ATF3: variants seen among roughly 807,000 people sequenced by gnomAD.
ATF3 encodes the protein cyclic AMP-dependent transcription factor ATF-3.
A neutral mutation model predicts 18.4 loss-of-function variants in ATF3; 10 were observed. That is an observed-to-expected ratio of 0.54 (90% CI 0.34 to 0.92). The LOEUF (loss-of-function observed/expected upper bound fraction) is 0.92, where lower values mean the gene tolerates loss of function less well. Ranked by LOEUF, ATF3 falls within the 40% of genes least tolerant of loss-of-function variation. The pLI, the probability that ATF3 is intolerant of heterozygous loss-of-function variation, is 0.02. For missense variants in ATF3, 183 were observed against 222.3 expected (o/e 0.82, Z 1.12); for synonymous variants, 78 against 87.9 (o/e 0.89, Z 0.63).
At chr1:212,587,785 G>T (rs1664806973) in intron 1 of ATF3, among the ~76,000 whole-genome samples, 3 of 152,146 alleles carry the variant, frequency 2.0e-5, no homozygotes, top group African/African-American at 7.2e-5. Flanking sequence ...AAATAACTCT[G>T]CAGGGATTTA....
chr1:212,592,519 A>G (rs1664907871), intron 1 of ATF3, among the ~76,000 whole-genome samples: 1 of 115,668 alleles, frequency 8.6e-6, no homozygotes, highest in Non-Finnish European at 1.9e-5. Context: ...GTCTATTTTA[A>G]CCTACCATAT....
intron 1 of ATF3, among the ~76,000 whole-genome samples, chr1:212,585,536 G>A (rs542264124): frequency 1.4e-4 from 22 of 152,292 alleles, no homozygotes; most frequent in East Asian, 1.2e-3. Flanking sequence ...CTGTTTTCCC[G>A]GAGAATTTAT....
chr1:212,616,630 G>A (rs1260441952), intron 2 of ATF3, among the ~76,000 whole-genome samples: 1 of 152,150 alleles, frequency 6.6e-6, no homozygotes, highest in Non-Finnish European at 1.5e-5. Flanking sequence ...CACCCTGGCT[G>A]TCATGTTGAG....
chr1:212,572,222 A>G (rs1664497359), intron 1 of ATF3, among the ~76,000 whole-genome samples: 1 of 152,046 alleles, frequency 6.6e-6, no homozygotes. Flanking sequence ...TTCATGTTCA[A>G]CATTTTCTTT....
In ATF3 at chr1:212,578,023, T is replaced by G. The variant is rs567103603; in HGVS notation, c.-5+12540T>G. Reference sequence around the variant, plus strand: ...TCCATACTGTTTTTCATAATGGCTGTTCCAATTTATATTCACACCAACAGT... The same window carrying G: ...TCCATACTGTTTTTCATAATGGCTGGTCCAATTTATATTCACACCAACAGT... On this transcript the variant is annotated intron_variant, in intron 1 of 3. Transcript: ENST00000366981. Among the ~76,000 whole-genome samples, 5 of 152,240 alleles carry G rather than the reference T, an allele frequency of 3.3e-5. No homozygotes were observed. The East Asian group carries it at 9.6e-4, about 29-fold the overall frequency.
intron 1 of ATF3, among the ~76,000 whole-genome samples, chr1:212,596,674 C>G (rs181911620): frequency 6.6e-6 from 1 of 152,370 alleles, no homozygotes; most frequent in Non-Finnish European, 1.5e-5. Context: ...CCCTCTCACC[C>G]ACTGGCTCCC....
At chr1:212,568,793 TC>T (rs1443237478) in intron 1 of ATF3, among the ~76,000 whole-genome samples, 1 of 152,158 alleles carries the variant, frequency 6.6e-6, no homozygotes, top group Non-Finnish European at 1.5e-5. Flanking sequence ...TCTCTTTCTC[TC>T]AAAATTGCCT....
At chr1:212,588,743 T>C (rs892903004) in intron 1 of ATF3, among the ~76,000 whole-genome samples, 3 of 152,218 alleles carry the variant, frequency 2.0e-5, no homozygotes, top group Non-Finnish European at 4.4e-5. Flanking sequence ...TCCATATTTA[T>C]AAATCATGTG....
upstream of ATF3, chr1:212,608,534 G>C (rs552179921): frequency 1.3e-5 from 2 of 152,872 alleles, no homozygotes; most frequent in South Asian, 4.1e-4. Flanking sequence ...GGGGGAACGC[G>C]CCTGGGCTGG....
At chr1:212,574,232 A>G (rs1664532739) in intron 1 of ATF3, among the ~76,000 whole-genome samples, 1 of 151,814 alleles carries the variant, frequency 6.6e-6, no homozygotes, top group South Asian at 2.1e-4. Flanking sequence ...TCTTAGTACA[A>G]TATTTCATAC....
Position 212,597,002 on chromosome 1 carries a change from G to A in ATF3, c.-4-18016G>A, listed in dbSNP as rs775774129. On this transcript the variant is annotated intron_variant, in intron 1 of 3. Transcript: ENST00000366981. ...TACAGTAGGCACTCAATACATACAC[G>A]AGGAATGAGTGTATGAATTTATTCC... 5.9e-5 allele frequency among the ~76,000 whole-genome samples: 9 copies of A among 152,300 alleles called. No individual in the cohort carries two copies. In the South Asian group the frequency reaches 1.0e-3, roughly 18 times the overall value.
At chr1:212,572,154 G>T (rs1043987593) in intron 1 of ATF3, among the ~76,000 whole-genome samples, 1 of 151,978 alleles carries the variant, frequency 6.6e-6, no homozygotes, top group South Asian at 2.1e-4. Context: ...TACTCTTATC[G>T]ATACTTGCTT....
intron 2 of ATF3, among the ~76,000 whole-genome samples, chr1:212,616,525 T>C (rs1363297543): frequency 6.6e-6 from 1 of 152,168 alleles, no homozygotes; most frequent in East Asian, 1.9e-4. Context: ...CTCGAACTCC[T>C]GACCTCAGGT....
At chr1:212,572,005 C>T (rs946958121) in intron 1 of ATF3, among the ~76,000 whole-genome samples, 1 of 152,128 alleles carries the variant, frequency 6.6e-6, no homozygotes, top group Non-Finnish European at 1.5e-5. Context: ...AGCCACCGCG[C>T]CCGGCCGCCA....
At chr1:212,588,683 A>G (rs1485782876) in intron 1 of ATF3, among the ~76,000 whole-genome samples, 1 of 152,166 alleles carries the variant, frequency 6.6e-6, no homozygotes. Flanking sequence ...CCCACACCTG[A>G]TTCCCACTCC....
chr1:212,597,412 C>T (rs6677108), intron 1 of ATF3, among the ~76,000 whole-genome samples: 44,649 of 117,532 alleles, frequency 0.38, 6,750 homozygotes, highest in South Asian at 0.49. Context: ...TACTGAGTTA[C>T]ATCTATTTAT....
intron 1 of ATF3, among the ~76,000 whole-genome samples, chr1:212,593,009 A>G (rs1395968493): frequency 6.6e-6 from 1 of 151,278 alleles, no homozygotes; most frequent in Non-Finnish European, 1.5e-5. Flanking sequence ...TTGTGGCACT[A>G]TTCACAATAG....
chr1:212,570,522 TTAAA>T (rs1664461947), intron 1 of ATF3, among the ~76,000 whole-genome samples: 1 of 152,182 alleles, frequency 6.6e-6, no homozygotes, highest in African/African-American at 2.4e-5. Context: ...ATTGTACACT[TTAAA>T]TAAGTGTGTT....
intron 1 of ATF3, among the ~76,000 whole-genome samples, chr1:212,582,244 C>T (rs1664696486): frequency 6.6e-6 from 1 of 152,200 alleles, no homozygotes; most frequent in African/African-American, 2.4e-5. Flanking sequence ...GCAACCCTTC[C>T]CACCTCAGAA....
Sources: gnomAD v4.1 joint callset for allele counts (sites outside exome capture counted in the v4.1 genomes callset) on GRCh38, gnomAD v4.1.1 for gene constraint, MANE v1.5 for transcripts, NCBI Gene and HGNC (gene_info 2026-07-23, HGNC 2026-07-21) for gene names.